ADAMTSL3: variants seen among roughly 807,000 people sequenced by gnomAD.
ADAMTSL3 encodes ADAMTS like 3.
Under a neutral mutation model 201.7 loss-of-function variants are expected in ADAMTSL3, and 128 were observed. The ratio of observed to expected loss-of-function variants is 0.63; its 90% confidence interval spans 0.55 to 0.73. The LOEUF (loss-of-function observed/expected upper bound fraction) is 0.73. ADAMTSL3 is among the 30% of genes least tolerant of loss of function. The pLI, the probability that ADAMTSL3 is intolerant of heterozygous loss-of-function variation, is 0.00. For synonymous variants in ADAMTSL3, 738 were observed against 748.4 expected, an observed-to-expected ratio of 0.99 and a Z score of 0.23; for missense variants, 1,990 against 2,119.6, an observed-to-expected ratio of 0.94 and a Z score of 1.20.
chr15:83,817,935 C>G (rs1437181191), intron 5 of ADAMTSL3, among the ~76,000 whole-genome samples: 1 of 152,090 alleles, frequency 6.6e-6, no homozygotes, highest in African/African-American at 2.4e-5. Flanking sequence ...GTAATCCCAG[C>G]TACTCGAGAG....
At chr15:83,835,105 G>A (rs929591256) in intron 6 of ADAMTSL3, among the ~76,000 whole-genome samples, 2 of 152,032 alleles carry the variant, frequency 1.3e-5, no homozygotes, top group African/African-American at 4.8e-5. Context: ...ATGGTGGCGG[G>A]TAGCTGTAGT....
At chr15:83,767,940 C>G (rs974005016) in intron 3 of ADAMTSL3, among the ~76,000 whole-genome samples, 3 of 152,160 alleles carry the variant, frequency 2.0e-5, no homozygotes, top group African/African-American at 7.2e-5. Context: ...TTATCAGGGA[C>G]TTGAGTGAAG....
chr15:84,037,758 T>C lies in ADAMTSL3; in HGVS notation c.5028T>C (p.Ser1676=). The C allele has an allele frequency of 1.9e-6, 3 of 1,614,070 alleles. No homozygotes were observed. Among genetic ancestry groups the C allele is most frequent in the South Asian group, 1.1e-5 (1 of 91,034 alleles). ...TTGTAAAACATCTTAATTTGTGTTCTCTAGACCGCTACAAACAAAGGTGCT... is the reference window on the plus strand; with the variant it reads ...TTGTAAAACATCTTAATTTGTGTTCCCTAGACCGCTACAAACAAAGGTGCT... The part of the protein sequence containing the change: ...CMFVKHLNLC[S]LDRYKQRCCQ... The change falls in exon 30 of 30, where the codon TCT becomes TCC. Residue 1676 remains serine, a synonymous_variant. Coordinates refer to ENST00000286744, the MANE Select transcript of ADAMTSL3 (RefSeq NM_207517.3).
At chr15:84,037,360 C>T (rs2068530949) in intron 29 of ADAMTSL3, among the ~76,000 whole-genome samples, 2 of 152,200 alleles carry the variant, frequency 1.3e-5, no homozygotes, top group Admixed American at 1.3e-4. Context: ...TATGTAAAAA[C>T]TGTAGGTTTA....
chr15:83,945,214 A>C (rs1003185554), intron 19 of ADAMTSL3, among the ~76,000 whole-genome samples: 3 of 152,112 alleles, frequency 2.0e-5, no homozygotes, highest in African/African-American at 7.2e-5. Context: ...AAGCAGCTGG[A>C]GACAGTGCCA....
chr15:83,843,781 T>G (rs569748463), intron 7 of ADAMTSL3, among the ~76,000 whole-genome samples: 1 of 152,282 alleles, frequency 6.6e-6, no homozygotes, highest in Non-Finnish European at 1.5e-5. Flanking sequence ...GAATATCATT[T>G]CCATCACGCA....
chr15:83,699,020 G>C (rs558576675), intron 2 of ADAMTSL3, among the ~76,000 whole-genome samples: 1 of 152,058 alleles, frequency 6.6e-6, no homozygotes, highest in South Asian at 2.1e-4. Flanking sequence ...TATTAGAATT[G>C]AGGGTGTCAG....
In ADAMTSL3 at chr15:84,016,946, AT is replaced by A. The variant is rs370215944; in HGVS notation, c.4273+448del. Among the ~76,000 whole-genome samples, 106 of 152,356 alleles carry A rather than the reference AT, an allele frequency of 7.0e-4. 6 individuals are homozygous for A. In the South Asian group the frequency reaches 0.019, roughly 27 times the overall value. On this transcript the variant is annotated intron_variant, in intron 25 of 29. Coordinates refer to ENST00000286744, the MANE Select transcript of ADAMTSL3 (RefSeq NM_207517.3). ...AACCTAATCTAAGTATTACAAGCTT[AT>A]AAAACTCTGCAGAAGGCCAAGGGAT...
intron 3 of ADAMTSL3, among the ~76,000 whole-genome samples, chr15:83,753,072 G>A (rs925538691): frequency 7.2e-5 from 11 of 152,076 alleles, no homozygotes; most frequent in African/African-American, 2.7e-4. Flanking sequence ...TACTAAATGG[G>A]GCTTGGTGAA....
chr15:83,873,412 G>GT (rs879318205), intron 9 of ADAMTSL3, among the ~76,000 whole-genome samples: 4 of 145,082 alleles, frequency 2.8e-5, no homozygotes, highest in African/African-American at 5.3e-5. Context: ...TATACCATTG[G>GT]TTTTTTTTGT....
intron 19 of ADAMTSL3, among the ~76,000 whole-genome samples, chr15:83,966,314 A>G (rs565139496): frequency 4.6e-4 from 70 of 152,320 alleles, no homozygotes; most frequent in Non-Finnish European, 8.5e-4. Context: ...AAAAGAGGAC[A>G]CAATCAAATA....
chr15:84,030,807 C>G (rs1281897808), intron 27 of ADAMTSL3, among the ~76,000 whole-genome samples: 1 of 152,160 alleles, frequency 6.6e-6, no homozygotes, highest in Admixed American at 6.5e-5. Flanking sequence ...CCCCACATGT[C>G]AAGGGAGAGA....
At chr15:83,900,223 A>G (rs1309498146) in intron 15 of ADAMTSL3, among the ~76,000 whole-genome samples, 1 of 152,202 alleles carries the variant, frequency 6.6e-6, no homozygotes, top group Non-Finnish European at 1.5e-5. Context: ...AGACAAGTCT[A>G]ATTTTTCTGT....
rs1271348718 is a variant in ADAMTSL3, at chr15:83,970,384, T to G, written c.2491-100T>G. ...GGCTTTCTTCTTGGCACATCCGTAC[T>G]GAAAATTTCCTCTTGTTTCACCCTT... On this transcript the variant is annotated intron_variant, in intron 19 of 29. Coordinates refer to ENST00000286744, the MANE Select transcript of ADAMTSL3 (RefSeq NM_207517.3). The G allele has an allele frequency of 4.3e-6, 6 of 1,411,606 alleles. No individual in the cohort carries two copies. The African/African-American group carries it at 5.7e-5, about 13-fold the overall frequency. The allele number at this position is 1,411,606 out of a possible 1,614,324, so 87.4% of individuals were successfully genotyped here. A position where few individuals can be genotyped will look rare whatever the true frequency, so the allele number is the denominator to read the frequency against.
intron 4 of ADAMTSL3, among the ~76,000 whole-genome samples, chr15:83,789,342 G>A (rs2063309883): frequency 6.6e-6 from 1 of 152,006 alleles, no homozygotes; most frequent in Non-Finnish European, 1.5e-5. Flanking sequence ...AGTATCTTCT[G>A]TTTCATCTCT....
At chr15:83,823,898 CTTCTTCTTCTTCT>C (rs1567169378) in intron 6 of ADAMTSL3, among the ~76,000 whole-genome samples, 7 of 18,172 alleles carry the variant, frequency 3.9e-4, no homozygotes, top group Admixed American at 8.2e-4. Context: ...TCTTCCTCTT[CTTCTTCTTCTTCT>C]TCTTCTTCTT....
chr15:83,955,126 G>A (rs1052988495), intron 19 of ADAMTSL3, among the ~76,000 whole-genome samples: 17 of 152,160 alleles, frequency 1.1e-4, no homozygotes, highest in African/African-American at 3.9e-4. Context: ...TCAGGCCCTG[G>A]GCATGTCCAG....
intron 16 of ADAMTSL3, among the ~76,000 whole-genome samples, chr15:83,919,537 T>A (rs948855454): frequency 6.6e-6 from 1 of 151,976 alleles, no homozygotes; most frequent in East Asian, 1.9e-4. Context: ...GAAACCAGAT[T>A]TGAAAGGGTT....
chr15:83,751,859 C>T (rs766616634), intron 3 of ADAMTSL3, among the ~76,000 whole-genome samples: 2 of 152,108 alleles, frequency 1.3e-5, no homozygotes, highest in Non-Finnish European at 2.9e-5. Flanking sequence ...CGAGAATCCA[C>T]CAACAATAGT....
Sources: allele counts gnomAD v4.1 joint callset (sites outside exome capture counted in the v4.1 genomes callset), GRCh38; gene constraint gnomAD v4.1.1; transcripts MANE v1.5; gene names NCBI Gene and HGNC (gene_info 2026-07-23, HGNC 2026-07-21).